The following ANTXR1 variants were observed in gnomAD, a reference collection of about 807,000 sequenced individuals.
The protein encoded by ANTXR1 is ANTXR cell adhesion molecule 1.
Under a neutral mutation model 78.1 loss-of-function variants are expected in ANTXR1, and 19 were observed. The observed-to-expected ratio is 0.24, with a 90% CI of 0.17 to 0.36. The LOEUF (loss-of-function observed/expected upper bound fraction) is 0.36. Ranked by LOEUF, ANTXR1 falls within the 10% of genes least tolerant of loss-of-function variation. The pLI, the probability that ANTXR1 is intolerant of heterozygous loss-of-function variation, is 1.00. For synonymous variants in ANTXR1, 273 were observed against 260.5 expected, an observed-to-expected ratio of 1.05 and a Z score of -0.46; for missense variants, 518 against 718.6, an observed-to-expected ratio of 0.72 and a Z score of 3.19.
At chr2:69,077,383 G>A (rs889185134) in intron 7 of ANTXR1, 25 bp from the exon 8 acceptor site, 12 of 1,613,698 alleles carry the variant, frequency 7.4e-6, no homozygotes, top group Admixed American at 1.7e-5. Context: ...CTCCCCATGT[G>A]TTTGTGTATT....
Position 69,157,724 on chromosome 2 carries a change from GGAAT to G in ANTXR1, c.1047+5470_1047+5473del, listed in dbSNP as rs376632783. 8.0e-3 allele frequency among the ~76,000 whole-genome samples: 1,224 copies of G among 152,228 alleles called. 18 individuals carry two copies. Among genetic ancestry groups the G allele is most frequent in the African/African-American group, 0.028 (1,166 of 41,536 alleles). ...CAGTAGTTGCTTAAGAAATATTTGT[GGAAT>G]GAATGAATGGATACCATTGTCTTAC... is the stretch of plus-strand genomic sequence containing the variant. On this transcript the variant is annotated intron_variant, in intron 13 of 17. Coordinates refer to ENST00000303714, the MANE Select transcript of ANTXR1 (RefSeq NM_032208.3).
At chr2:69,090,437 C>T (rs1671195704) in intron 8 of ANTXR1, among the ~76,000 whole-genome samples, 1 of 152,034 alleles carries the variant, frequency 6.6e-6, no homozygotes. Flanking sequence ...GCATACCTGC[C>T]CCAGCATCTC....
chr2:69,131,993 G>T (rs1288565507), intron 12 of ANTXR1, among the ~76,000 whole-genome samples: 1 of 152,176 alleles, frequency 6.6e-6, no homozygotes, highest in Non-Finnish European at 1.5e-5. Context: ...TGGTAGAAGG[G>T]TGTAGAAATA....
At chr2:69,162,023 A>G (rs5013914) in intron 13 of ANTXR1, among the ~76,000 whole-genome samples, 80,503 of 150,208 alleles carry the variant, frequency 0.54, 22,262 homozygotes, top group East Asian at 0.9. Context: ...TCATTTGTGG[A>G]AAAAAAAAAA....
intron 14 of ANTXR1, among the ~76,000 whole-genome samples, chr2:69,179,497 C>G (rs1422491501): frequency 6.7e-6 from 1 of 148,724 alleles, no homozygotes; most frequent in Non-Finnish European, 1.5e-5. Context: ...GCACTCCAGC[C>G]TGGGTGACAG....
At chr2:69,021,409 A>C (rs1322616901) in intron 1 of ANTXR1, among the ~76,000 whole-genome samples, 1 of 152,248 alleles carries the variant, frequency 6.6e-6, no homozygotes, top group African/African-American at 2.4e-5. Flanking sequence ...CAGTTACACA[A>C]AACAACAAAA....
intron 3 of ANTXR1, among the ~76,000 whole-genome samples, chr2:69,070,188 G>A (rs1323409107): frequency 6.6e-6 from 1 of 152,170 alleles, no homozygotes. Context: ...GTTTCCTTTG[G>A]CACACCCGTG....
chr2:69,150,332 T>C (rs1382183736), intron 12 of ANTXR1, among the ~76,000 whole-genome samples: 1 of 152,172 alleles, frequency 6.6e-6, no homozygotes, highest in African/African-American at 2.4e-5. Context: ...TGAAGACACT[T>C]GCACTAAACA....
At chr2:69,066,106 A>G (rs78945219) in intron 3 of ANTXR1, among the ~76,000 whole-genome samples, 4,789 of 152,330 alleles carry the variant, frequency 0.031, 88 homozygotes, top group Middle Eastern at 0.11. Flanking sequence ...GAAGTTGACA[A>G]TGCAGAGCTG....
At chr2:69,103,186 C>G in intron 10 of ANTXR1, 1 of 522,740 alleles carries the variant, frequency 1.9e-6, no homozygotes, top group South Asian at 2.0e-5. Context: ...ACTTGAGTCC[C>G]CGTCCTCCAC....
intron 17 of ANTXR1, among the ~76,000 whole-genome samples, chr2:69,241,899 C>A (rs778155904): frequency 6.6e-6 from 1 of 152,158 alleles, no homozygotes; most frequent in Non-Finnish European, 1.5e-5. Flanking sequence ...CCTCCTAATA[C>A]CTGTAAGTGA....
chr2:69,067,339 A>G (rs1670429092), intron 3 of ANTXR1, among the ~76,000 whole-genome samples: 2 of 151,472 alleles, frequency 1.3e-5, no homozygotes, highest in South Asian at 4.2e-4. Context: ...AAATACTTGT[A>G]AAGAAAGGGA....
At chr2:69,229,625 C>G (rs889392156) in intron 17 of ANTXR1, among the ~76,000 whole-genome samples, 1 of 152,020 alleles carries the variant, frequency 6.6e-6, no homozygotes, top group Non-Finnish European at 1.5e-5. Flanking sequence ...GAAAAATATC[C>G]TCAAGATTCT....
chr2:69,116,694 C>T (rs776501485), intron 10 of ANTXR1, among the ~76,000 whole-genome samples: 13 of 152,298 alleles, frequency 8.5e-5, no homozygotes, highest in South Asian at 2.1e-4. Flanking sequence ...AGCTCTGCTT[C>T]GGGCTTACAT....
chr2:69,060,439 G>A (rs750375766), intron 3 of ANTXR1, among the ~76,000 whole-genome samples: 1 of 152,188 alleles, frequency 6.6e-6, no homozygotes, highest in Admixed American at 6.5e-5. Flanking sequence ...TTGTAAAACA[G>A]TGCTGATGTG....
chr2:69,079,831 G>A lies in ANTXR1; in HGVS notation c.642+2343G>A, dbSNP rs79849765. Among the ~76,000 whole-genome samples the A allele has an allele frequency of 5.6e-4, 85 of 152,268 alleles. No individual in the cohort carries two copies. In the East Asian group the frequency reaches 0.012, roughly 22 times the overall value. ...ATCTGTTCAGACGTTCTTATGAGCC[G>A]TGTGCCTAACTCCAAGTGTTGTTTC... On this transcript the variant is annotated intron_variant, in intron 8 of 17. Coordinates refer to ENST00000303714, the MANE Select transcript of ANTXR1 (RefSeq NM_032208.3).
chr2:69,216,447 GTATA>G (rs1383320660), intron 17 of ANTXR1, among the ~76,000 whole-genome samples: 1 of 151,942 alleles, frequency 6.6e-6, no homozygotes, highest in Non-Finnish European at 1.5e-5. Context: ...ATACATATAT[GTATA>G]TACACACATA....
rs1670776230 is a variant in ANTXR1 at position 69,077,626 on chromosome 2, T to A, written c.642+138T>A. On this transcript the variant is annotated intron_variant, in intron 8 of 17. Coordinates refer to ENST00000303714, the MANE Select transcript of ANTXR1 (RefSeq NM_032208.3). ...CATCATTTCTTCCTATATCTTTGTG[T>A]CTGCCACGTCCCATCTCTCCCTTCT... 3.3e-6 allele frequency: 3 copies of A among 906,356 alleles called. No individual in the cohort carries two copies. In the African/African-American group the frequency reaches 4.9e-5, roughly 15 times the overall value. 56.1% of individuals were successfully genotyped at this position (906,356 alleles called of 1,614,324 possible). A position where few individuals can be genotyped will look rare whatever the true frequency, so the allele number is the denominator to read the frequency against.
chr2:69,240,855 A>G (rs1675878382), intron 17 of ANTXR1, among the ~76,000 whole-genome samples: 2 of 152,190 alleles, frequency 1.3e-5, no homozygotes, highest in Non-Finnish European at 2.9e-5. Flanking sequence ...TAACTGACAG[A>G]GTTTTGATGA....
Sources: allele counts gnomAD v4.1 joint callset (sites outside exome capture counted in the v4.1 genomes callset), GRCh38; gene constraint gnomAD v4.1.1; transcripts MANE v1.5; gene names NCBI Gene and HGNC (gene_info 2026-07-23, HGNC 2026-07-21).